The following FMO2 variants were observed in gnomAD, a reference collection of about 807,000 sequenced individuals.
FMO2 encodes the protein flavin-containing monooxygenase 2.
FMO2 carries 33 observed loss-of-function variants against 41.6 expected under a neutral mutation model. The observed-to-expected ratio is 0.79, with a 90% CI of 0.60 to 1.06. The LOEUF (loss-of-function observed/expected upper bound fraction) is 1.06. Ranked by LOEUF, FMO2 falls within the 50% of genes least tolerant of loss-of-function variation. The pLI is 0.00. For synonymous variants in FMO2, 214 were observed against 219.6 expected (o/e 0.97, Z 0.23); for missense variants, 619 against 632.9 (o/e 0.98, Z 0.23).
intron 5 of FMO2, among the ~76,000 whole-genome samples, chr1:171,200,559 C>A (rs894454129): frequency 1.3e-4 from 20 of 152,228 alleles, no homozygotes; most frequent in Non-Finnish European, 2.4e-4. Flanking sequence ...ACTCTAGATA[C>A]CCAGTGGCAA....
Position 171,205,496 on chromosome 1 carries a change from A to G in FMO2, c.1045A>G (p.Met349Val), listed in dbSNP as rs141615057. 2.1e-5 allele frequency: 34 copies of G among 1,613,818 alleles called. No individual in the cohort carries two copies. The African/African-American group carries it at 4.0e-4, about 19-fold the overall frequency. ...EDSLVKVENN[M>V]VSLYKYIFPA... ...TTCACTCGTTAAAGTAGAGAATAATATGGTCTCACTGTATAAATACATATT... is the reference window on the plus strand; with the variant it reads ...TTCACTCGTTAAAGTAGAGAATAATGTGGTCTCACTGTATAAATACATATT... Residue 349 changes from methionine to valine, a missense_variant, in exon 7 of 9, where the codon ATG becomes GTG. Physicochemically the swap from Met to Val is conservative, Grantham distance 21. Transcript: ENST00000209929.
chr1:171,185,892 AG>A, intron 2 of FMO2, 47 bp downstream of exon 2: 2 of 1,588,520 alleles, frequency 1.3e-6, no homozygotes, highest in Non-Finnish European at 1.7e-6. Context: ...TTGTTATTTC[AG>A]GGTGAATCAC....
intron 3 of FMO2, among the ~76,000 whole-genome samples, chr1:171,194,402 G>T (rs761551449): frequency 2.6e-5 from 4 of 152,170 alleles, no homozygotes; most frequent in Non-Finnish European, 5.9e-5. Flanking sequence ...TAAGCATGCT[G>T]AATTTTTATC....
intron 7 of FMO2, 30 bp downstream of exon 7, chr1:171,205,664 C>A: frequency 7.2e-7 from 1 of 1,380,740 alleles, no homozygotes; most frequent in Non-Finnish European, 9.9e-7. Context: ...AGTGGCTAAG[C>A]GTTTCAGATC....
At chr1:171,188,830 C>T (rs1657960428) in intron 2 of FMO2, 1 of 152,142 alleles carries the variant, frequency 6.6e-6, no homozygotes, top group Non-Finnish European at 1.5e-5. Flanking sequence ...TAGAGTTCTT[C>T]CAGACTCTCC....
chr1:171,212,345 C>T lies in FMO2; in HGVS notation c.*3200C>T, dbSNP rs1659016280. Among the ~76,000 whole-genome samples the T allele has an allele frequency of 6.6e-6, 1 of 152,236 alleles. No homozygotes were observed. Among genetic ancestry groups the T allele is most frequent in the Admixed American group, 6.5e-5 (1 of 15,294 alleles). ...CAAGAAGGCCCTCATCAGATGCTGG[C>T]CCCTTGGTCTTGAATTTCCTAGCCT... On this transcript the variant is annotated 3_prime_UTR_variant, in exon 9 of 9. Transcript: ENST00000209929.
rs187393653 is a variant in FMO2, at chr1:171,205,611, G to C, written c.1160G>C (p.Arg387Pro). 1 of 1,609,832 alleles carries C rather than the reference G, an allele frequency of 6.2e-7. No individual in the cohort carries two copies. ...TTCCCAACTGCTGAACTTCAAGCTCGTTGGGTGACAAGAGTTTTCAAAGGT... is the reference window on the plus strand; with the variant it reads ...TTCCCAACTGCTGAACTTCAAGCTCCTTGGGTGACAAGAGTTTTCAAAGGT... ...SIFPTAELQARWVTRVFKGLC... is the reference protein window; with the variant it reads ...SIFPTAELQAPWVTRVFKGLC... Residue 387 changes from arginine to proline, a missense_variant, in exon 7 of 9, where the codon CGT becomes CCT. Transcript: ENST00000209929.
At chr1:171,196,342 G>T (rs935497960) in intron 3 of FMO2, among the ~76,000 whole-genome samples, 3 of 152,208 alleles carry the variant, frequency 2.0e-5, no homozygotes, top group Non-Finnish European at 4.4e-5. Flanking sequence ...GATGGTCTTT[G>T]TGTAAGGTGG....
At chr1:171,196,875 G>T in intron 4 of FMO2, 64 bp downstream of exon 4, 6 of 1,470,258 alleles carry the variant, frequency 4.1e-6, no homozygotes, top group Non-Finnish European at 5.6e-6. Flanking sequence ...ATGTAGTTTG[G>T]ATTGACAAGC....
At chr1:171,208,739 T>C in intron 8 of FMO2, 55 bp from the exon 9 acceptor site, 1 of 1,557,010 alleles carries the variant, frequency 6.4e-7, no homozygotes, top group Middle Eastern at 1.7e-4. Flanking sequence ...ATGCCTAATA[T>C]TCTAGAAAAC....
chr1:171,203,875 G>A lies in FMO2; in HGVS notation c.638G>A (p.Ser213Asn). 2.5e-6 allele frequency: 4 copies of A among 1,613,258 alleles called. No homozygotes were observed. Among genetic ancestry groups the A allele is most frequent in the Non-Finnish European group, 3.4e-6 (4 of 1,179,498 alleles). Residue 213 changes from serine to asparagine, a missense_variant, in exon 6 of 9, where the codon AGC becomes AAC. Coordinates refer to ENST00000209929, the MANE Select transcript of FMO2 (RefSeq NM_001460.5). The part of the protein sequence containing the change: ...LSKNAAQVFI[S>N]TRHGTWVMSR... ...CTTTTTGCTTGCCAGGTTTTTATCA[G>A]CACCAGGCATGGCACCTGGGTCATG...
chr1:171,204,800 T>C (rs550952729), intron 6 of FMO2, among the ~76,000 whole-genome samples: 2 of 152,204 alleles, frequency 1.3e-5, no homozygotes, highest in African/African-American at 2.4e-5. Flanking sequence ...TTAACAAATA[T>C]CACCAAACCT....
rs1162571430 is a variant in FMO2, at chr1:171,205,432, T to G, written c.981T>G (p.Phe327Leu). ...AGGAGAACATTGATGTCATCATTTT[T>G]GCAACAGGATATAGTTTCTCTTTTC... ...TVEENIDVII[F>L]ATGYSFSFPF... The change falls in exon 7 of 9, where the codon TTT becomes TTG. Residue 327 changes from phenylalanine (F) to leucine (L), a missense_variant. Phe to Leu is a conservative substitution (Grantham distance 22). Transcript: ENST00000209929. 25 of 1,613,972 alleles carry G rather than the reference T, an allele frequency of 1.5e-5. No individual in the cohort carries two copies. Among genetic ancestry groups the G allele is most frequent in the Non-Finnish European group, 2.0e-5 (24 of 1,179,902 alleles).
chr1:171,206,081 G>A (rs1658747243), intron 7 of FMO2, among the ~76,000 whole-genome samples: 2 of 152,180 alleles, frequency 1.3e-5, no homozygotes, highest in South Asian at 2.1e-4. Context: ...TTCTTTCTGG[G>A]TGTCTGTGTA....
At chr1:171,196,923 T>C (rs1658333999) in intron 4 of FMO2, 112 bp downstream of exon 4, 1 of 886,370 alleles carries the variant, frequency 1.1e-6, no homozygotes. Context: ...CTTGGCTCAA[T>C]AAGATTGAGA....
chr1:171,208,598 CTTTA>C (rs1658857063), intron 8 of FMO2, among the ~76,000 whole-genome samples, 192 bp from the exon 9 acceptor site: 1 of 152,190 alleles, frequency 6.6e-6, no homozygotes, highest in South Asian at 2.1e-4. Context: ...ATTCATGGCT[CTTTA>C]TTTGAGGGCG....
chr1:171,197,477 A>G (rs527359182), intron 4 of FMO2, among the ~76,000 whole-genome samples: 2 of 152,298 alleles, frequency 1.3e-5, no homozygotes, highest in East Asian at 1.9e-4. Context: ...TACAGTCAGG[A>G]TTAAGGCCTG....
In FMO2 at chr1:171,209,169, T is replaced by C; in HGVS notation, c.*24T>C. ...AGTCAGCATAATGCTTTGGGCTTTA[T>C]TATCTTGTCAGTCACTACCTCCTAA... On this transcript the variant is annotated 3_prime_UTR_variant, in exon 9 of 9. Transcript: ENST00000209929. 2.3e-6 allele frequency: 1 copy of C among 433,954 alleles called. No individual in the cohort carries two copies. The allele number at this position is 433,954 out of a possible 1,614,324, so 26.9% of individuals were successfully genotyped here.
In FMO2 at chr1:171,211,017, T is replaced by C. The variant is rs1381332487; in HGVS notation, c.*1872T>C. The C allele has an allele frequency of 6.6e-6, 1 of 152,172 alleles. No homozygotes were observed. Among genetic ancestry groups the C allele is most frequent in the East Asian group, 1.9e-4 (1 of 5,200 alleles). The allele number at this position is 152,172 out of a possible 1,614,324, so 9.4% of individuals were successfully genotyped here. ...TTTTTTCATTGCTCCCATAAGCAAA[T>C]TTGTTTTAAAATAATTGTAAATGAG... is the stretch of plus-strand genomic sequence containing the variant. On this transcript the variant is annotated 3_prime_UTR_variant, in exon 9 of 9. Transcript: ENST00000209929.
Sources: allele counts gnomAD v4.1 joint callset (sites outside exome capture counted in the v4.1 genomes callset), GRCh38; gene constraint gnomAD v4.1.1; transcripts MANE v1.5; gene names NCBI Gene and HGNC (gene_info 2026-07-23, HGNC 2026-07-21).